NECAB3: variants seen among roughly 807,000 people sequenced by gnomAD.
NECAB3 encodes N-terminal EF-hand calcium binding protein 3, also known as N-terminal EF-hand calcium-binding protein 3.
Under a neutral mutation model 57.2 loss-of-function variants are expected in NECAB3, and 38 were observed. That is an observed-to-expected ratio of 0.66 (90% CI 0.51 to 0.87). NECAB3 has a LOEUF of 0.87. Among genes scored for constraint, NECAB3 ranks in the 40% least tolerant of loss-of-function variants. The probability of loss-of-function intolerance (pLI) is 0.00; values close to 1 mark genes in which losing one functional copy is unlikely to be tolerated. For missense variants in NECAB3, 474 were observed against 527.5 expected, an observed-to-expected ratio of 0.90 and a Z score of 0.99; for synonymous variants, 223 against 222.6, an observed-to-expected ratio of 1.00 and a Z score of -0.02.
chr20:33,672,150 G>A (rs921830866), intron 2 of NECAB3: 2 of 571,560 alleles, frequency 3.5e-6, no homozygotes, highest in East Asian at 5.9e-5. Context: ...CACCATGCCA[G>A]GGTGCTGTGT....
chr20:33,673,315 C>A (rs1308698206), intron 1 of NECAB3, among the ~76,000 whole-genome samples: 4 of 152,316 alleles, frequency 2.6e-5, no homozygotes, highest in Admixed American at 2.6e-4. Context: ...CCTCCAGGGT[C>A]CTGTTTTGTC....
chr20:33,669,640 G>T, intron 4 of NECAB3, 47 bp downstream of exon 4: 1 of 1,561,114 alleles, frequency 6.4e-7, no homozygotes. Context: ...CACGTACCCT[G>T]GGGCCCAGGG....
In NECAB3 at chr20:33,667,041, G is replaced by A. The variant is rs1177267817; in HGVS notation, c.387+2334C>T. 3 of 161,190 alleles carry A rather than the reference G, an allele frequency of 1.9e-5. No individual in the cohort carries two copies. The Admixed American group carries it at 1.9e-4, about 10-fold the overall frequency. 10.0% of individuals were successfully genotyped at this position (161,190 alleles called of 1,614,324 possible). ...CGGGCCGACGAAGCCGAGTGGCGCG[G>A]AGGAGCGGAGCCTTCAGCCCCGCGG... is the stretch of plus-strand genomic sequence containing the variant. On this transcript the variant is annotated intron_variant, in intron 5 of 11. Transcript: ENST00000246190.
chr20:33,662,466 C>A, intron 5 of NECAB3: 2 of 1,551,578 alleles, frequency 1.3e-6, no homozygotes, highest in Non-Finnish European at 1.7e-6. Flanking sequence ...TCGGAAGAAG[C>A]CGGCTGTGAG....
At chr20:33,672,339 G>A in intron 2 of NECAB3, 59 bp downstream of exon 2, 2 of 1,604,796 alleles carry the variant, frequency 1.2e-6, no homozygotes, top group Non-Finnish European at 1.7e-6. Flanking sequence ...ACTCTCCCTG[G>A]GCCTCCTGGA....
chr20:33,658,795 C>T lies in NECAB3; in HGVS notation c.919G>A (p.Glu307Lys). 1 of 1,613,334 alleles carries T rather than the reference C, an allele frequency of 6.2e-7. No individual in the cohort carries two copies. Among genetic ancestry groups the T allele is most frequent in the South Asian group, 1.1e-5 (1 of 91,074 alleles). ...GCTCGGTGGAAGTCCTGCAGGCCTTCCTCTGCCACCTGGACCTGCCTCTGG... is the reference window on the plus strand; with the variant it reads ...GCTCGGTGGAAGTCCTGCAGGCCTTTCTCTGCCACCTGGACCTGCCTCTGG... Reference protein sequence around the residue: ...MAQRQVQVAEEGLQDFHRALR... With the variant: ...MAQRQVQVAEKGLQDFHRALR... Residue 307 changes from glutamate (E) to lysine (K), a missense_variant, in exon 9 of 12, where the codon GAA (glutamate) becomes AAA (lysine). Physicochemically the swap from Glu to Lys is moderately conservative, Grantham distance 56. Transcript: ENST00000246190.
At chr20:33,671,998 C>T in intron 2 of NECAB3, 2 of 218,278 alleles carry the variant, frequency 9.2e-6, no homozygotes, top group South Asian at 7.8e-5. Context: ...GACCCAAGTT[C>T]GAGCCTATCA....
upstream of NECAB3, chr20:33,674,466 G>GCCCCGC (rs1001192392): frequency 4.0e-5 from 36 of 911,304 alleles, no homozygotes; most frequent in East Asian, 2.1e-4. Flanking sequence ...GCGGGCTCAG[G>GCCCCGC]CCCCGCCCCC....
intron 3 of NECAB3, among the ~76,000 whole-genome samples, chr20:33,670,050 C>T (rs1046810646): frequency 6.6e-5 from 10 of 152,084 alleles, no homozygotes; most frequent in South Asian, 2.1e-4. Context: ...AGTCCAGGGA[C>T]GGCATGGGGT....
At chr20:33,671,632 G>A (rs909192757) in intron 2 of NECAB3, among the ~76,000 whole-genome samples, 4 of 152,302 alleles carry the variant, frequency 2.6e-5, no homozygotes, top group East Asian at 1.9e-4. Context: ...GACCCTCCAC[G>A]GGCCACACAG....
intron 5 of NECAB3, chr20:33,667,456 G>A: frequency 7.0e-7 from 1 of 1,426,390 alleles, no homozygotes; most frequent in East Asian, 2.7e-5. Flanking sequence ...CGAAAGGGTG[G>A]CGGAGCTGCT....
intron 5 of NECAB3, chr20:33,667,363 C>T: frequency 8.4e-7 from 1 of 1,188,188 alleles, no homozygotes; most frequent in Non-Finnish European, 1.1e-6. Flanking sequence ...GTGGGAGCGC[C>T]TGCTGGTGGG....
intron 5 of NECAB3, chr20:33,663,671 G>T (rs1489068470): frequency 6.4e-7 from 1 of 1,571,902 alleles, no homozygotes; most frequent in African/African-American, 1.4e-5. Flanking sequence ...GGTAGCGAGC[G>T]CGAGCCGAGG....
chr20:33,659,674 G>A lies in NECAB3; in HGVS notation c.702C>T (p.Leu234=). 2 of 1,610,182 alleles carry A rather than the reference G, an allele frequency of 1.2e-6. No homozygotes were observed. The highest frequency in any genetic ancestry group is 1.7e-6 in the Non-Finnish European group (2 of 1,179,428). Residue 234 remains leucine, a synonymous_variant, in exon 8 of 12, where the codon CTC becomes CTT. Transcript: ENST00000246190. ...WRLQVNRLQE[L]IDQLECKVRA... ...TCACCTTGCACTCGAGCTGGTCGAT[G>A]AGCTCCTGGAGGCGGTTCACCTGGA...
chr20:33,667,486 C>T, intron 5 of NECAB3: 2 of 1,473,382 alleles, frequency 1.4e-6, no homozygotes, highest in Non-Finnish European at 1.8e-6. Context: ...CCTGGCAGTG[C>T]CCGCGTGCCA....
chr20:33,663,604 G>C (rs1404195579), intron 5 of NECAB3: 1 of 1,610,962 alleles, frequency 6.2e-7, no homozygotes, highest in South Asian at 1.1e-5. Flanking sequence ...GATTGACTAC[G>C]CGTCCGGCGC....
At position 33,674,306 on chromosome 20, in the gene NECAB3, G is replaced by A. The variant is rs898610382; in HGVS notation, c.47C>T (p.Ala16Val). The change falls in exon 1 of 12, where the codon GCG (alanine) becomes GTG (valine). Residue 16 changes from alanine to valine, a missense_variant. Physicochemically the swap from Ala to Val is moderately conservative, Grantham distance 64. Transcript: ENST00000246190. The stretch of plus-strand genomic sequence containing the variant: ...CGGGGTCTGGGGCTGGGGCTGGGGC[G>A]CGGGCGGCCGGAGCAGGCACACGGT... The part of the protein sequence containing the change: ...LLTVCLLRPP[A>V]PQPQPQTPRH... 1 of 1,221,556 alleles carries A rather than the reference G, an allele frequency of 8.2e-7. No homozygotes were observed. The allele number at this position is 1,221,556 out of a possible 1,614,324, so 75.7% of individuals were successfully genotyped here.
chr20:33,674,527 C>G, upstream of NECAB3: 1 of 532,498 alleles, frequency 1.9e-6, no homozygotes, highest in African/African-American at 2.0e-5. Flanking sequence ...CCAACTCCAG[C>G]GCCGCGGGCC....
chr20:33,663,344 G>C, intron 5 of NECAB3: 1 of 605,122 alleles, frequency 1.7e-6, no homozygotes, highest in Non-Finnish European at 2.8e-6. Context: ...ACGCAGGGAA[G>C]GGCGGGCTTC....
Sources: gnomAD v4.1 joint callset for allele counts (sites outside exome capture counted in the v4.1 genomes callset) on GRCh38, gnomAD v4.1.1 for gene constraint, MANE v1.5 for transcripts, NCBI Gene and HGNC (gene_info 2026-07-23, HGNC 2026-07-21) for gene names.